Variants in UNC13C observed in about 807,000 individuals in gnomAD.
UNC13C encodes the protein protein unc-13 homolog C.
In UNC13C, 174 loss-of-function variants were observed where a neutral mutation model predicts 245.4. That is an observed-to-expected ratio of 0.71 (90% CI 0.63 to 0.80). The LOEUF is 0.80. Ranked by LOEUF, UNC13C falls within the 30% of genes least tolerant of loss-of-function variation. UNC13C has a pLI of 0.00. For synonymous variants in UNC13C, 992 were observed against 895.1 expected, an observed-to-expected ratio of 1.11 and a Z score of -1.93; for missense variants, 2,829 against 2,602.9, an observed-to-expected ratio of 1.09 and a Z score of -1.89.
intron 8 of UNC13C, among the ~76,000 whole-genome samples, chr15:54,253,231 C>T (rs1304012743): frequency 6.6e-6 from 1 of 152,158 alleles, no homozygotes; most frequent in Non-Finnish European, 1.5e-5. Flanking sequence ...GGGTTTGTGA[C>T]TTGTGCACCT....
intron 30 of UNC13C, among the ~76,000 whole-genome samples, chr15:54,592,859 T>C (rs1898869986): frequency 8.9e-6 from 1 of 111,910 alleles, no homozygotes; most frequent in Non-Finnish European, 1.9e-5. Flanking sequence ...GTACTTTGTT[T>C]TTTGTTTTTT....
chr15:53,858,142 A>G, the UNC13C span, among the ~76,000 whole-genome samples: 16 of 152,284 alleles, frequency 1.1e-4, no homozygotes, highest in Non-Finnish European at 1.9e-4. Flanking sequence ...TGATATGTAC[A>G]TCTATAATTT....
At chr15:54,571,832 A>G (rs1043361493) in intron 30 of UNC13C, among the ~76,000 whole-genome samples, 3 of 152,188 alleles carry the variant, frequency 2.0e-5, no homozygotes, top group Non-Finnish European at 4.4e-5. Context: ...TAAGAAAGGA[A>G]GAAGAGAAAA....
chr15:54,384,491 G>A (rs527487067), intron 17 of UNC13C, among the ~76,000 whole-genome samples: 11 of 152,010 alleles, frequency 7.2e-5, no homozygotes, highest in African/African-American at 1.4e-4. Context: ...TGTCTCTACC[G>A]TATACAAAAG....
chr15:53,840,377 A>G, the UNC13C span, among the ~76,000 whole-genome samples: 7 of 152,110 alleles, frequency 4.6e-5, no homozygotes, highest in Admixed American at 1.3e-4. Context: ...TAATTTACTG[A>G]GCGCTTGCAA....
At chr15:53,914,768 T>A in the UNC13C span, 1 of 152,150 alleles carries the variant, frequency 6.6e-6, no homozygotes, top group Non-Finnish European at 1.5e-5. Context: ...CCAGACCTCA[T>A]CATGACCTTT....
intron 2 of UNC13C, among the ~76,000 whole-genome samples, chr15:54,132,076 T>TTCTTTTTCTTTTTC (rs2031461716): frequency 7.1e-6 from 1 of 141,618 alleles, no homozygotes; most frequent in African/African-American, 2.7e-5. Flanking sequence ...TTCTTTTTCT[T>TTCTTTTTCTTTTTC]TTTTTTTTTT....
intron 1 of UNC13C, among the ~76,000 whole-genome samples, chr15:53,997,975 G>C (rs1442246236): frequency 4.0e-5 from 6 of 151,670 alleles, no homozygotes; most frequent in Non-Finnish European, 7.4e-5. Flanking sequence ...GCTAATTTTT[G>C]TATTCTTTGT....
chr15:53,870,021 CAAG>C, the UNC13C span, among the ~76,000 whole-genome samples: 1 of 152,182 alleles, frequency 6.6e-6, no homozygotes, highest in East Asian at 1.9e-4. Context: ...TCGAGCCTTC[CAAG>C]AAGATTTGTG....
chr15:54,077,376 C>CTTTTTTTTTTT lies in UNC13C; in HGVS notation c.2983+61500_2983+61510dup, dbSNP rs768240170. ...TTTTCCTTTTCTTTTCTTTTCTTTT[C>CTTTTTTTTTTT]TTTTTTTTTTTTTTTTTTTTGAGAC... On this transcript the variant is annotated intron_variant, in intron 2 of 32. Transcript: ENST00000260323. Among the ~76,000 whole-genome samples, 200 of 62,724 alleles carry CTTTTTTTTTTT rather than the reference C, an allele frequency of 3.2e-3. 14 individuals carry two copies. Among genetic ancestry groups the CTTTTTTTTTTT allele is most frequent in the African/African-American group, 8.4e-3 (139 of 16,548 alleles). The allele number at this position is 62,724 out of a possible 152,430, so 41.1% of individuals were successfully genotyped here.
At chr15:54,188,394 A>G (rs1312327457) in intron 4 of UNC13C, among the ~76,000 whole-genome samples, 1 of 152,148 alleles carries the variant, frequency 6.6e-6, no homozygotes, top group African/African-American at 2.4e-5. Flanking sequence ...TAATAATTAT[A>G]TAAAGAATTT....
At chr15:54,078,942 A>T (rs995309690) in intron 2 of UNC13C, among the ~76,000 whole-genome samples, 26 of 152,116 alleles carry the variant, frequency 1.7e-4, no homozygotes, top group African/African-American at 5.5e-4. Flanking sequence ...TTATAGTTTC[A>T]GGTCTTACAT....
intron 13 of UNC13C, among the ~76,000 whole-genome samples, chr15:54,311,325 A>G (rs1196877961): frequency 6.6e-6 from 1 of 151,788 alleles, no homozygotes; most frequent in Non-Finnish European, 1.5e-5. Flanking sequence ...CTTTAGGTGT[A>G]TTAAAAACTG....
chr15:53,924,272 C>A, the UNC13C span, among the ~76,000 whole-genome samples: 1 of 152,096 alleles, frequency 6.6e-6, no homozygotes, highest in Admixed American at 6.5e-5. Context: ...CAGTTCAGTG[C>A]TAATAGACTA....
At position 54,111,039 on chromosome 15, in the gene UNC13C, T is replaced by A. The variant is rs114114122; in HGVS notation, c.2984-31979T>A. Among the ~76,000 whole-genome samples the A allele has an allele frequency of 7.7e-4, 118 of 152,350 alleles. 1 individual carries two copies. Among genetic ancestry groups the A allele is most frequent in the Middle Eastern group, 3.4e-3 (1 of 294 alleles). ...TTCCAACTGTTAGAGCAGGGCATAA[T>A]GCACACTACAAAATTTGAGAGAGAA... On this transcript the variant is annotated intron_variant, in intron 2 of 32. Transcript: ENST00000260323.
intron 24 of UNC13C, among the ~76,000 whole-genome samples, chr15:54,519,276 T>G (rs1185288597): frequency 6.6e-6 from 1 of 152,158 alleles, no homozygotes; most frequent in Non-Finnish European, 1.5e-5. Flanking sequence ...GTCACATCAC[T>G]CATATAAAGC....
chr15:54,367,239 T>A (rs1333682836), intron 17 of UNC13C, among the ~76,000 whole-genome samples: 1 of 152,162 alleles, frequency 6.6e-6, no homozygotes, highest in Non-Finnish European at 1.5e-5. Context: ...CATGTATGGC[T>A]CAGATTTTCC....
chr15:54,205,106 T>A (rs1479747282), intron 4 of UNC13C, among the ~76,000 whole-genome samples: 5 of 152,018 alleles, frequency 3.3e-5, no homozygotes, highest in Admixed American at 6.6e-5. Flanking sequence ...ATATAGATTT[T>A]ATGACTCCCT....
intron 26 of UNC13C, among the ~76,000 whole-genome samples, chr15:54,542,262 G>C (rs556412519): frequency 1.4e-4 from 22 of 152,142 alleles, no homozygotes; most frequent in Admixed American, 1.1e-3. Flanking sequence ...ATTTACCCAG[G>C]AGTCATTTAG....
Sources: allele counts gnomAD v4.1 joint callset (sites outside exome capture counted in the v4.1 genomes callset), GRCh38; gene constraint gnomAD v4.1.1; transcripts MANE v1.5; gene names NCBI Gene and HGNC (gene_info 2026-07-23, HGNC 2026-07-21).